Variants in NDNF observed in about 807,000 individuals in gnomAD.
NDNF encodes the protein protein NDNF.
Under a neutral mutation model 42.0 loss-of-function variants are expected in NDNF, and 16 were observed. The ratio of observed to expected loss-of-function variants is 0.38; its 90% CI spans 0.26 to 0.58. The LOEUF (loss-of-function observed/expected upper bound fraction) is 0.58. NDNF is among the 20% of genes least tolerant of loss of function. The pLI is 0.67. For synonymous variants in NDNF, 248 were observed against 251.7 expected (o/e 0.99, Z 0.14); for missense variants, 616 against 666.2 (o/e 0.92, Z 0.83).
At chr4:121,057,509 G>C (rs1727317098) in intron 1 of NDNF, among the ~76,000 whole-genome samples, 1 of 152,162 alleles carries the variant, frequency 6.6e-6, no homozygotes. Context: ...AGACCCGGCA[G>C]TCAGGTCAGG....
At position 121,037,397 on chromosome 4, in the gene NDNF, C is replaced by T. The variant is rs760451470; in HGVS notation, c.574G>A (p.Val192Ile). 1.2e-6 allele frequency: 2 copies of T among 1,614,112 alleles called. No individual in the cohort carries two copies. The highest frequency in any genetic ancestry group is 3.3e-5 in the Admixed American group (2 of 60,000). Residue 192 changes from valine (V) to isoleucine (I), a missense_variant, in exon 4 of 4, where the codon GTC (valine) becomes ATC (isoleucine). Transcript: ENST00000379692. ...GGGCTTGGTTTCCAGGCCAAAGTGA[C>T]CGTGGTGCGCCCCAGTGAGGTCACA... Reference protein sequence around the residue: ...VDVTSLGRTTVTLAWKPSPTA... With the variant: ...VDVTSLGRTTITLAWKPSPTA...
At chr4:121,048,921 T>TTA (rs569998316) in intron 1 of NDNF, among the ~76,000 whole-genome samples, 1 of 152,346 alleles carries the variant, frequency 6.6e-6, no homozygotes, top group Non-Finnish European at 1.5e-5. Flanking sequence ...TCTAAGTTCT[T>TTA]TATATATATT....
intron 1 of NDNF, among the ~76,000 whole-genome samples, chr4:121,067,377 A>G (rs1378367171): frequency 6.6e-6 from 1 of 152,216 alleles, no homozygotes; most frequent in African/African-American, 2.4e-5. Flanking sequence ...ATAAAATATT[A>G]AATGTGTCAT....
intron 1 of NDNF, among the ~76,000 whole-genome samples, chr4:121,066,255 A>G (rs1331679100): frequency 1.3e-5 from 2 of 152,180 alleles, no homozygotes; most frequent in Non-Finnish European, 2.9e-5. Context: ...ACAGAGTTAA[A>G]CGACTGATGT....
At chr4:121,061,069 C>A (rs1291371679) in intron 1 of NDNF, 2 of 152,134 alleles carry the variant, frequency 1.3e-5, no homozygotes, top group African/African-American at 4.8e-5. Context: ...CACAAGTATG[C>A]AGTTAACTTG....
At chr4:121,042,076 C>T (rs2136949) in intron 2 of NDNF, among the ~76,000 whole-genome samples, 123,537 of 152,018 alleles carry the variant, frequency 0.81, 51,127 homozygotes, top group East Asian at 0.97. Flanking sequence ...TTTTTACTTT[C>T]GGGCACTTAT....
chr4:121,046,450 T>A (rs1010203557), intron 1 of NDNF, among the ~76,000 whole-genome samples: 15 of 152,234 alleles, frequency 9.9e-5, no homozygotes, highest in Non-Finnish European at 1.9e-4. Context: ...AGATCAAATT[T>A]TCATAAGTCA....
chr4:121,062,816 G>A lies in NDNF; in HGVS notation c.-2+9177C>T, dbSNP rs540658052. ...GTGATCATTACACAAGATAGAGCCT[G>A]CCAAGAGAAAAAGAGATCTCGAAAA... On this transcript the variant is annotated intron_variant, in intron 1 of 3. Coordinates refer to ENST00000379692, the MANE Select transcript of NDNF (RefSeq NM_024574.4). 5.9e-5 allele frequency among the ~76,000 whole-genome samples: 9 copies of A among 152,220 alleles called. No individual in the cohort carries two copies. The East Asian group carries it at 1.5e-3, about 26-fold the overall frequency.
intron 1 of NDNF, among the ~76,000 whole-genome samples, chr4:121,057,710 C>G (rs1413738276): frequency 6.6e-6 from 1 of 152,198 alleles, no homozygotes; most frequent in African/African-American, 2.4e-5. Flanking sequence ...CTGAAGGAAG[C>G]AGTTTGAAAA....
rs1182000304 is a variant in NDNF, at chr4:121,065,784, C to T, written c.-2+6209G>A. Among the ~76,000 whole-genome samples the T allele has an allele frequency of 2.0e-5, 3 of 151,128 alleles. No homozygotes were observed. The East Asian group carries it at 5.8e-4, about 29-fold the overall frequency. On this transcript the variant is annotated intron_variant, in intron 1 of 3. Coordinates refer to ENST00000379692, the MANE Select transcript of NDNF (RefSeq NM_024574.4). ...TATACATATATATGTATAAAATAACCCCTTCTAAAATGTTGTCTTAAGTGA... is the reference window on the plus strand; with the variant it reads ...TATACATATATATGTATAAAATAACTCCTTCTAAAATGTTGTCTTAAGTGA...
At chr4:121,040,160 AT>A in intron 2 of NDNF, 106 bp from the exon 3 acceptor site, 1 of 1,092,538 alleles carries the variant, frequency 9.2e-7, no homozygotes, top group Non-Finnish European at 1.3e-6. Flanking sequence ...CATTTTATAA[AT>A]TTTATAAAAT....
chr4:121,072,437 G>A lies in NDNF; in HGVS notation c.-446C>T, dbSNP rs1246549999. 6.6e-6 allele frequency: 1 copy of A among 151,926 alleles called. No homozygotes were observed. The highest frequency in any genetic ancestry group is 1.9e-4 in the East Asian group (1 of 5,138). 9.4% of individuals were successfully genotyped at this position (151,926 alleles called of 1,614,324 possible). On this transcript the variant is annotated 5_prime_UTR_variant, in exon 1 of 4. Coordinates refer to ENST00000379692, the MANE Select transcript of NDNF (RefSeq NM_024574.4). ...CACAGGCGCCTGGCTGGAGCGCCGC[G>A]CGGGGTGCTGGGAGAGCCGGGCGCA...
chr4:121,063,642 C>T (rs1342066191), intron 1 of NDNF, among the ~76,000 whole-genome samples: 1 of 151,966 alleles, frequency 6.6e-6, no homozygotes, highest in Admixed American at 6.6e-5. Context: ...AAACTGATAA[C>T]CTAGTTTACC....
rs1056685595 is a variant in NDNF, at chr4:121,047,799, C to T, written c.-1-1961G>A. 6.6e-5 allele frequency among the ~76,000 whole-genome samples: 10 copies of T among 152,202 alleles called. No homozygotes were observed. The East Asian group carries it at 1.9e-3, about 29-fold the overall frequency. On this transcript the variant is annotated intron_variant, in intron 1 of 3. Transcript: ENST00000379692. ...CTGGCAGTTTAAGAATAAGACCAGG[C>T]CTTCTTAAGTTGCCTGAAGTAATCT... is the stretch of plus-strand genomic sequence containing the variant.
At chr4:121,066,659 G>GAAATTAGACC in intron 1 of NDNF, among the ~76,000 whole-genome samples, 1 of 152,214 alleles carries the variant, frequency 6.6e-6, no homozygotes, top group Non-Finnish European at 1.5e-5. Context: ...AAAACAAGAT[G>GAAATTAGACC]TCATATTTTA....
intron 3 of NDNF, among the ~76,000 whole-genome samples, chr4:121,039,255 A>T (rs1726954011): frequency 1.4e-5 from 2 of 144,328 alleles, no homozygotes; most frequent in Non-Finnish European, 3.0e-5. Flanking sequence ...GTATATATAT[A>T]TAGTCATTTG....
Position 121,035,948 on chromosome 4 carries a change from A to C in NDNF, c.*316T>G, listed in dbSNP as rs1726855745. ...TGTGTGCAATGAATGGCATATTTTA[A>C]ATTTTTAGGTAATAAAATAATTTAG... On this transcript the variant is annotated 3_prime_UTR_variant, in exon 4 of 4. Coordinates refer to ENST00000379692, the MANE Select transcript of NDNF (RefSeq NM_024574.4). The C allele has an allele frequency of 4.5e-6, 1 of 223,830 alleles. No individual in the cohort carries two copies. The allele number at this position is 223,830 out of a possible 1,614,324, so 13.9% of individuals were successfully genotyped here.
In NDNF at chr4:121,071,987, A is replaced by G. The variant is rs1727613664; in HGVS notation, c.-2+6T>C. 3 of 152,014 alleles carry G rather than the reference A, an allele frequency of 2.0e-5. No homozygotes were observed. 9.4% of individuals were successfully genotyped at this position (152,014 alleles called of 1,614,324 possible). A position where few individuals can be genotyped will look rare whatever the true frequency, so the allele number is the denominator to read the frequency against. On this transcript the variant is annotated splice_donor_region_variant and intron_variant, in intron 1 of 3. Transcript: ENST00000379692. ...TCTGGGGCATTGCTTTCCTCTCCCC[A>G]CTTACCTTAAAAAGATCTGTTTTTC...
rs186465333 is a variant in NDNF at position 121,059,580 on chromosome 4, G to A, written c.-2+12413C>T. Among the ~76,000 whole-genome samples, 810 of 152,252 alleles carry A rather than the reference G, an allele frequency of 5.3e-3. 8 individuals carry two copies. Among genetic ancestry groups the A allele is most frequent in the Non-Finnish European group, 8.6e-3 (583 of 68,010 alleles). ...ATGTGCTGGATGGTCCGGGAGCCTG[G>A]TATAATTTTTCTGTCTTTAAGAACA... On this transcript the variant is annotated intron_variant, in intron 1 of 3. Coordinates refer to ENST00000379692, the MANE Select transcript of NDNF (RefSeq NM_024574.4).
Sources: allele counts gnomAD v4.1 joint callset (sites outside exome capture counted in the v4.1 genomes callset), GRCh38; gene constraint gnomAD v4.1.1; transcripts MANE v1.5; gene names NCBI Gene and HGNC (gene_info 2026-07-23, HGNC 2026-07-21).